The following PCDHA12 variants were observed in gnomAD, a reference collection of about 807,000 sequenced individuals.
PCDHA12 encodes the protein protocadherin alpha 12.
PCDHA12 carries 44 observed loss-of-function variants against 60.0 expected under a neutral mutation model. That is an observed-to-expected ratio of 0.73 (90% CI 0.58 to 0.94). PCDHA12 has a LOEUF of 0.94. Among genes scored for constraint, PCDHA12 ranks in the 40% least tolerant of loss-of-function variants. PCDHA12 has a pLI of 0.00. For synonymous variants in PCDHA12, 569 were observed against 553.0 expected, an observed-to-expected ratio of 1.03 and a Z score of -0.40; for missense variants, 1,276 against 1,239.7, an observed-to-expected ratio of 1.03 and a Z score of -0.44.
rs142468733 is a variant in PCDHA12 at position 140,884,535 on chromosome 5, C to G, written c.2367+6696C>G. 4,368 of 1,614,034 alleles carry G rather than the reference C, an allele frequency of 2.7e-3. 82 individuals are homozygous for G. The South Asian group carries it at 0.038, about 14-fold the overall frequency. On this transcript the variant is annotated intron_variant, in intron 1 of 3. Coordinates refer to ENST00000398631, the MANE Select transcript of PCDHA12 (RefSeq NM_018903.4). ...TGGTCGTACTCGCAGCAGAGGCGGC[C>G]GAGGGTGTGCTCTGGGGAGGGCCCG...
At chr5:140,895,875 G>A (rs1277056649) in intron 1 of PCDHA12, among the ~76,000 whole-genome samples, 5 of 152,060 alleles carry the variant, frequency 3.3e-5, no homozygotes, top group African/African-American at 7.2e-5. Context: ...GCAATGGCGC[G>A]ATCTCGGCTC....
chr5:140,973,203 A>T (rs1554234958), intron 1 of PCDHA12, among the ~76,000 whole-genome samples: 1 of 152,196 alleles, frequency 6.6e-6, no homozygotes, highest in Non-Finnish European at 1.5e-5. Flanking sequence ...ATGTGTGCAT[A>T]TTCACCCTAA....
At chr5:140,984,566 C>T (rs899278255) in intron 3 of PCDHA12, among the ~76,000 whole-genome samples, 4 of 152,124 alleles carry the variant, frequency 2.6e-5, no homozygotes, top group Non-Finnish European at 5.9e-5. Context: ...TCCAACTACT[C>T]CATGGCAACC....
intron 1 of PCDHA12, among the ~76,000 whole-genome samples, chr5:140,938,308 T>C (rs1468853140): frequency 6.6e-6 from 1 of 152,212 alleles, no homozygotes; most frequent in Admixed American, 6.5e-5. Context: ...AAATTCAGTA[T>C]AAAATTGAAT....
At chr5:140,877,910 T>A in intron 1 of PCDHA12, 71 bp downstream of exon 1, 2 of 1,431,310 alleles carry the variant, frequency 1.4e-6, no homozygotes, top group African/African-American at 2.9e-5. Flanking sequence ...AACTACATTC[T>A]CTCATTTTTC....
chr5:140,951,196 T>A (rs1438872650), intron 1 of PCDHA12, among the ~76,000 whole-genome samples: 1 of 152,190 alleles, frequency 6.6e-6, no homozygotes, highest in African/African-American at 2.4e-5. Context: ...AATTCCCACA[T>A]CTGTGTCATC....
At chr5:140,928,235 C>T (rs1455319165) in intron 1 of PCDHA12, 9 of 1,614,090 alleles carry the variant, frequency 5.6e-6, no homozygotes, top group African/African-American at 1.3e-5. Context: ...TTTCCTCAAC[C>T]CCAGCAGGAA....
At chr5:140,881,953 T>G in intron 1 of PCDHA12, 1 of 335,146 alleles carries the variant, frequency 3.0e-6, no homozygotes, top group Non-Finnish European at 5.4e-6. Context: ...AAGGTAAACA[T>G]TTAATCTTCA....
At chr5:140,929,379 GT>G (rs1554207046) in intron 1 of PCDHA12, 1 of 1,513,346 alleles carries the variant, frequency 6.6e-7, no homozygotes, top group African/African-American at 1.4e-5. Context: ...GCTGCTAGCT[GT>G]GTTTTGAAAT....
chr5:141,000,417 ATATATTTTTT>A (rs2097924181), intron 3 of PCDHA12, among the ~76,000 whole-genome samples: 1 of 77,748 alleles, frequency 1.3e-5, no homozygotes, highest in Non-Finnish European at 2.3e-5. Context: ...ATATATATAT[ATATATTTTTT>A]TTTTTTTTTT....
At chr5:140,880,231 A>G (rs2058275588) in intron 1 of PCDHA12, among the ~76,000 whole-genome samples, 1 of 152,266 alleles carries the variant, frequency 6.6e-6, no homozygotes, top group South Asian at 2.1e-4. Context: ...CATTTAAATT[A>G]GTGTATGTGC....
chr5:141,006,233 A>G (rs1311441986), intron 3 of PCDHA12, among the ~76,000 whole-genome samples: 2 of 151,044 alleles, frequency 1.3e-5, no homozygotes, highest in African/African-American at 4.9e-5. Flanking sequence ...TTATTTTTAG[A>G]TGGAGTCTTG....
At chr5:140,881,046 T>C (rs1554171694) in intron 1 of PCDHA12, among the ~76,000 whole-genome samples, 1 of 152,238 alleles carries the variant, frequency 6.6e-6, no homozygotes, top group African/African-American at 2.4e-5. Context: ...TATAGAGTTG[T>C]GCACAGAACA....
intron 3 of PCDHA12, among the ~76,000 whole-genome samples, chr5:140,984,358 A>G (rs1443365008): frequency 1.3e-5 from 2 of 152,234 alleles, no homozygotes; most frequent in Admixed American, 1.3e-4. Flanking sequence ...TATTTCATAC[A>G]TCTGGCCAAG....
chr5:141,007,981 T>C (rs1346324109), intron 3 of PCDHA12, among the ~76,000 whole-genome samples: 1 of 152,260 alleles, frequency 6.6e-6, no homozygotes, highest in African/African-American at 2.4e-5. Context: ...GTCATGTATA[T>C]ATGAAATGTA....
chr5:140,978,974 G>T lies in PCDHA12; in HGVS notation c.2393G>T (p.Arg798Leu). ...SEPRQPNPDW[R>L]YSASLRAGMH... is the part of the protein sequence containing the mutation. ...CCACGACAGCCCAACCCTGACTGGC[G>T]TTACTCTGCCTCCCTGAGAGCAGGC... Residue 798 changes from arginine to leucine, a missense_variant, in exon 2 of 4, where the codon CGT becomes CTT. Arg to Leu is a moderately radical substitution (Grantham distance 102, BLOSUM62 -2). Coordinates refer to ENST00000398631, the MANE Select transcript of PCDHA12 (RefSeq NM_018903.4). 6.2e-7 allele frequency: 1 copy of T among 1,614,130 alleles called. No individual in the cohort carries two copies. Among genetic ancestry groups the T allele is most frequent in the East Asian group, 2.2e-5 (1 of 44,882 alleles).
chr5:140,969,276 G>T, intron 1 of PCDHA12: 1 of 1,614,202 alleles, frequency 6.2e-7, no homozygotes, highest in Non-Finnish European at 8.5e-7. Context: ...GGCCAAAGTG[G>T]TCAGAATGCT....
Position 140,967,085 on chromosome 5 carries a change from C to A in PCDHA12, c.2368-11864C>A, listed in dbSNP as rs155809. On this transcript the variant is annotated intron_variant, in intron 1 of 3. Coordinates refer to ENST00000398631, the MANE Select transcript of PCDHA12 (RefSeq NM_018903.4). ...GCTCTTCGTCAACGAGCGCATTGAT[C>A]GGGAGGCGCTGTGTGAGCAGCGGCC... The A allele has an allele frequency of 3.0e-3, 4,870 of 1,613,198 alleles. 112 individuals are homozygous for A. The African/African-American group carries it at 0.056, about 18-fold the overall frequency.
At chr5:140,985,072 A>C (rs2097134751) in intron 3 of PCDHA12, among the ~76,000 whole-genome samples, 1 of 151,864 alleles carries the variant, frequency 6.6e-6, no homozygotes, top group Admixed American at 6.6e-5. Flanking sequence ...TGAGTAGCTG[A>C]GACTACAGGC....
Sources: gnomAD v4.1 joint callset for allele counts (sites outside exome capture counted in the v4.1 genomes callset) on GRCh38, gnomAD v4.1.1 for gene constraint, MANE v1.5 for transcripts, NCBI Gene and HGNC (gene_info 2026-07-23, HGNC 2026-07-21) for gene names.